Variants in ATF6 observed in about 807,000 individuals in gnomAD.
ATF6 encodes cyclic AMP-dependent transcription factor ATF-6 alpha.
Under a neutral mutation model 83.6 loss-of-function variants are expected in ATF6, and 53 were observed. That is an observed-to-expected ratio of 0.63 (90% CI 0.51 to 0.80). The LOEUF (loss-of-function observed/expected upper bound fraction) is 0.80, where lower values mean the gene tolerates loss of function less well. Among genes scored for constraint, ATF6 ranks in the 30% least tolerant of loss-of-function variants. ATF6 has a pLI of 0.00. For synonymous variants in ATF6, 288 were observed against 285.8 expected (o/e 1.01, Z -0.08); for missense variants, 744 against 797.9 (o/e 0.93, Z 0.81).
chr1:161,797,435 C>T (rs1182684849), intron 6 of ATF6, among the ~76,000 whole-genome samples: 1 of 152,112 alleles, frequency 6.6e-6, no homozygotes, highest in Non-Finnish European at 1.5e-5. Context: ...AGTCTCAGCC[C>T]AAGACTCCTA....
chr1:161,858,697 T>C (rs1354801394), intron 12 of ATF6, among the ~76,000 whole-genome samples: 3 of 152,214 alleles, frequency 2.0e-5, no homozygotes, highest in Non-Finnish European at 4.4e-5. Context: ...CATTTCTGTG[T>C]AAATGCCTCT....
chr1:161,785,111 G>A (rs1261200057), intron 4 of ATF6, among the ~76,000 whole-genome samples: 1 of 152,162 alleles, frequency 6.6e-6, no homozygotes, highest in African/African-American at 2.4e-5. Flanking sequence ...CCCTGTGAGA[G>A]TTCCTCTCTG....
chr1:161,778,418 G>A lies in ATF6; in HGVS notation c.159+98G>A, dbSNP rs1684569327. ...CAACAGGTTCAGGCTAGTAATTTAA[G>A]TTACATACTTAATGGTAAATAGCTT... On this transcript the variant is annotated intron_variant, in intron 2 of 15. Coordinates refer to ENST00000367942, the MANE Select transcript of ATF6 (RefSeq NM_007348.4). 1.5e-5 allele frequency: 13 copies of A among 864,044 alleles called. No homozygotes were observed. In the South Asian group the frequency reaches 1.9e-4, roughly 12 times the overall value. 53.5% of individuals were successfully genotyped at this position (864,044 alleles called of 1,614,324 possible). A position where few individuals can be genotyped will look rare whatever the true frequency, so the allele number is the denominator to read the frequency against.
intron 15 of ATF6, among the ~76,000 whole-genome samples, chr1:161,924,157 C>T (rs183422028): frequency 2.0e-5 from 3 of 152,294 alleles, no homozygotes; most frequent in East Asian, 1.9e-4. Context: ...GACTGCTCTG[C>T]GTTCTCTCTT....
chr1:161,899,961 A>G (rs1687749138), intron 14 of ATF6, among the ~76,000 whole-genome samples: 1 of 152,174 alleles, frequency 6.6e-6, no homozygotes, highest in Admixed American at 6.5e-5. Flanking sequence ...AGCTGGGACC[A>G]CTGTCTGTGT....
intron 14 of ATF6, among the ~76,000 whole-genome samples, chr1:161,911,313 A>G (rs1558021570): frequency 6.6e-6 from 1 of 152,212 alleles, no homozygotes. Flanking sequence ...AACAGTTCAT[A>G]TGTTTTTGCT....
chr1:161,903,635 G>A (rs1423772637), intron 14 of ATF6, among the ~76,000 whole-genome samples: 1 of 152,070 alleles, frequency 6.6e-6, no homozygotes, highest in Non-Finnish European at 1.5e-5. Flanking sequence ...ACACTTATAA[G>A]TGTTGAAATA....
intron 14 of ATF6, among the ~76,000 whole-genome samples, chr1:161,910,970 G>C (rs1017142458): frequency 2.0e-5 from 3 of 152,148 alleles, no homozygotes; most frequent in Non-Finnish European, 4.4e-5. Flanking sequence ...TACTGGAAAT[G>C]TTTTCTACAC....
Position 161,963,514 on chromosome 1 carries a change from G to A in ATF6, c.*4860G>A, listed in dbSNP as rs562997991. 18 of 152,262 alleles carry A rather than the reference G, an allele frequency of 1.2e-4. 1 individual carries two copies. The South Asian group carries it at 3.7e-3, about 32-fold the overall frequency. The allele number at this position is 152,262 out of a possible 1,614,324, so 9.4% of individuals were successfully genotyped here. On this transcript the variant is annotated 3_prime_UTR_variant, in exon 16 of 16. Coordinates refer to ENST00000367942, the MANE Select transcript of ATF6 (RefSeq NM_007348.4). ...TAAATCATAATTTATCATTTGCCAA[G>A]GCCAACAAACAACACTATTGTGCTG...
chr1:161,798,802 C>CT (rs1685077321), intron 6 of ATF6, among the ~76,000 whole-genome samples: 2 of 152,248 alleles, frequency 1.3e-5, no homozygotes, highest in South Asian at 4.1e-4. Flanking sequence ...TGAACAGACA[C>CT]TTTCAAAAGA....
At chr1:161,934,570 TG>T (rs1277249794) in intron 15 of ATF6, among the ~76,000 whole-genome samples, 8 of 152,234 alleles carry the variant, frequency 5.3e-5, no homozygotes, top group African/African-American at 1.7e-4. Context: ...TGGGTTCAAA[TG>T]TAAGTTTCTT....
At chr1:161,766,873 A>G (rs1571109642) in intron 1 of ATF6, among the ~76,000 whole-genome samples, 1 of 152,164 alleles carries the variant, frequency 6.6e-6, no homozygotes, top group African/African-American at 2.4e-5. Flanking sequence ...TATACAAGAA[A>G]TTCTAATCTT....
chr1:161,944,270 G>A (rs1423445637), intron 15 of ATF6, among the ~76,000 whole-genome samples: 2 of 152,176 alleles, frequency 1.3e-5, no homozygotes, highest in Non-Finnish European at 2.9e-5. Flanking sequence ...CATAGAGGAT[G>A]AAGAGCAGTC....
rs1384717720 is a variant in ATF6, at chr1:161,819,700, A to G, written c.977A>G (p.Lys326Arg). Residue 326 changes from lysine to arginine, a missense_variant, in exon 8 of 16, where the codon AAG (lysine) becomes AGG (arginine). Coordinates refer to ENST00000367942, the MANE Select transcript of ATF6 (RefSeq NM_007348.4). ...NRESACQSRK[K>R]KKEYMLGLEA... is the part of the protein sequence containing the mutation. ...GAATCCGCTTGTCAGTCTCGCAAGAAGAAGAAAGAATATATGCTAGGGTTA... is the reference window on the plus strand; with the variant it reads ...GAATCCGCTTGTCAGTCTCGCAAGAGGAAGAAAGAATATATGCTAGGGTTA... The G allele has an allele frequency of 5.0e-6, 8 of 1,613,208 alleles. No individual in the cohort carries two copies. The highest frequency in any genetic ancestry group is 6.8e-6 in the Non-Finnish European group (8 of 1,179,622).
Position 161,914,672 on chromosome 1 carries a change from A to G in ATF6, c.1804+2292A>G, listed in dbSNP as rs183873825. Among the ~76,000 whole-genome samples the G allele has an allele frequency of 1.1e-3, 170 of 152,114 alleles. 1 individual carries two copies. The highest frequency in any genetic ancestry group is 1.6e-3 in the Non-Finnish European group (106 of 67,976). On this transcript the variant is annotated intron_variant, in intron 15 of 15. Coordinates refer to ENST00000367942, the MANE Select transcript of ATF6 (RefSeq NM_007348.4). ...CTCTTACTTTAAAACTCACACTCCA[A>G]CTACTCTCTTAACTTACAAGTCTAC...
intron 12 of ATF6, among the ~76,000 whole-genome samples, chr1:161,856,121 G>A (rs1294124351): frequency 6.6e-6 from 1 of 152,208 alleles, no homozygotes; most frequent in Non-Finnish European, 1.5e-5. Flanking sequence ...GAAGCAGTAT[G>A]TGTTATGTTC....
chr1:161,949,962 T>C (rs974335115), intron 15 of ATF6, among the ~76,000 whole-genome samples: 2 of 152,256 alleles, frequency 1.3e-5, no homozygotes, highest in African/African-American at 4.8e-5. Context: ...TTCAGTGTTA[T>C]ACAAACTGCT....
intron 15 of ATF6, among the ~76,000 whole-genome samples, chr1:161,940,855 C>A (rs867808425): frequency 6.6e-6 from 1 of 152,182 alleles, no homozygotes; most frequent in Non-Finnish European, 1.5e-5. Context: ...AGCCACCGTG[C>A]CTGGCCAGAA....
chr1:161,927,227 G>A (rs184630661), intron 15 of ATF6, among the ~76,000 whole-genome samples: 50 of 152,248 alleles, frequency 3.3e-4, no homozygotes, highest in African/African-American at 1.2e-3. Context: ...CCCAGCTACT[G>A]ACAGAGCTGA....
Sources: allele counts gnomAD v4.1 joint callset (sites outside exome capture counted in the v4.1 genomes callset), GRCh38; gene constraint gnomAD v4.1.1; transcripts MANE v1.5; gene names NCBI Gene and HGNC (gene_info 2026-07-23, HGNC 2026-07-21).